Variants in EIF4G3 observed in about 807,000 individuals in gnomAD.
EIF4G3 encodes the protein eukaryotic translation initiation factor 4 gamma 3.
In EIF4G3, 34 loss-of-function variants were observed where a neutral mutation model predicts 186.4. The ratio of observed to expected loss-of-function variants is 0.18; its 90% CI spans 0.14 to 0.24. EIF4G3 has a LOEUF of 0.24. Ranked by LOEUF, EIF4G3 falls within the 10% of genes least tolerant of loss-of-function variation. The pLI is 1.00. For missense variants in EIF4G3, 1,536 were observed against 1,948.5 expected, an observed-to-expected ratio of 0.79 and a Z score of 3.99; for synonymous variants, 673 against 679.5, an observed-to-expected ratio of 0.99 and a Z score of 0.15.
In EIF4G3 at chr1:20,851,483, A is replaced by G; in HGVS notation, c.3552-5T>C. The G allele has an allele frequency of 6.2e-7, 1 of 1,614,084 alleles. No individual in the cohort carries two copies. Among genetic ancestry groups the G allele is most frequent in the African/African-American group, 1.3e-5 (1 of 75,040 alleles). ...TCCCTGCCCATACTTCCACGACTTA[A>G]AAGACAAAACAACACTTTTCAAAGG... On this transcript the variant is annotated splice_polypyrimidine_tract_variant and splice_region_variant and intron_variant, in intron 27 of 36. Transcript: ENST00000602326.
At chr1:20,949,020 ACTATAGAG>A in intron 13 of EIF4G3, among the ~76,000 whole-genome samples, 1 of 151,826 alleles carries the variant, frequency 6.6e-6, no homozygotes, top group East Asian at 1.9e-4. Flanking sequence ...CTATATACTA[ACTATAGAG>A]CTATAGAATA....
At chr1:20,828,280 T>G (rs867130871) in intron 31 of EIF4G3, among the ~76,000 whole-genome samples, 2 of 152,150 alleles carry the variant, frequency 1.3e-5, no homozygotes, top group Non-Finnish European at 2.9e-5. Context: ...TCCGCCTGCC[T>G]CGGCCTCCCA....
intron 12 of EIF4G3, among the ~76,000 whole-genome samples, chr1:20,967,842 C>T (rs1869320): frequency 0.94 from 143,893 of 152,292 alleles, 68,485 homozygotes; most frequent in Middle Eastern, 1. Flanking sequence ...TATCACTTGT[C>T]TGTAAACTGG....
chr1:20,835,320 A>G (rs1258280399), intron 30 of EIF4G3, among the ~76,000 whole-genome samples: 1 of 152,164 alleles, frequency 6.6e-6, no homozygotes, highest in Non-Finnish European at 1.5e-5. Context: ...ACATCAAGGA[A>G]CTAGAAAAAG....
At chr1:20,930,680 C>T (rs2095265498) in intron 14 of EIF4G3, among the ~76,000 whole-genome samples, 1 of 152,170 alleles carries the variant, frequency 6.6e-6, no homozygotes, top group Non-Finnish European at 1.5e-5. Context: ...ATTATAGGCA[C>T]ATGCCACCAT....
chr1:20,910,020 T>G (rs1464286571), intron 14 of EIF4G3, among the ~76,000 whole-genome samples: 3 of 152,106 alleles, frequency 2.0e-5, no homozygotes, highest in Admixed American at 2.0e-4. Flanking sequence ...TGGGCTCAAG[T>G]GATCCTCCTG....
chr1:21,160,546 C>T (rs1301645748), intron 2 of EIF4G3, among the ~76,000 whole-genome samples: 1 of 152,188 alleles, frequency 6.6e-6, no homozygotes, highest in African/African-American at 2.4e-5. Flanking sequence ...AAGATGCCAA[C>T]TTAACCAAGT....
chr1:20,837,426 G>A (rs1223923241), intron 30 of EIF4G3, among the ~76,000 whole-genome samples: 2 of 152,080 alleles, frequency 1.3e-5, no homozygotes, highest in Admixed American at 6.6e-5. Context: ...GGATGGTCTC[G>A]ATCTCCTGAC....
At chr1:20,916,463 ACAAAAACAAAAAACAAAAG>A (rs1268686914) in intron 14 of EIF4G3, among the ~76,000 whole-genome samples, 3 of 151,984 alleles carry the variant, frequency 2.0e-5, no homozygotes, top group Non-Finnish European at 2.9e-5. Flanking sequence ...AAAAACAAAA[ACAAAAACAAAAAACAAAAG>A]CAAAATATAC....
chr1:21,067,134 T>TA (rs1557797435), intron 3 of EIF4G3, among the ~76,000 whole-genome samples: 1 of 148,106 alleles, frequency 6.8e-6, no homozygotes, highest in East Asian at 1.9e-4. Context: ...TTCTTTTCTT[T>TA]TTTTTTTTTT....
In EIF4G3 at chr1:20,980,425, A is replaced by G; in HGVS notation, c.402T>C (p.Tyr134=). The change falls in exon 10 of 37, where the codon TAT becomes TAC. Residue 134 remains tyrosine, a synonymous_variant. Transcript: ENST00000602326. ...CTGGATATTGTTGGGGGGGCCCAAC[A>G]TAAGGAGGGCCACTATGACGGTACT... ...IPQYRHSGPP[Y]VGPPQQYPVQ... 3 of 1,551,022 alleles carry G rather than the reference A, an allele frequency of 1.9e-6. No individual in the cohort carries two copies. Among genetic ancestry groups the G allele is most frequent in the South Asian group, 1.2e-5 (1 of 81,530 alleles).
At chr1:21,141,409 C>A (rs1573205690) in intron 2 of EIF4G3, among the ~76,000 whole-genome samples, 1 of 70,758 alleles carries the variant, frequency 1.4e-5, no homozygotes, top group Non-Finnish European at 2.8e-5. Flanking sequence ...ATGTGTAGTT[C>A]TATGTAAAAA....
chr1:21,068,096 G>A (rs2095313227), intron 3 of EIF4G3, among the ~76,000 whole-genome samples: 3 of 151,990 alleles, frequency 2.0e-5, no homozygotes, highest in Non-Finnish European at 4.4e-5. Context: ...GAAGGGTCCG[G>A]GCACAGTGGC....
At chr1:21,129,713 G>GT (rs2097118139) in intron 2 of EIF4G3, among the ~76,000 whole-genome samples, 1 of 152,030 alleles carries the variant, frequency 6.6e-6, no homozygotes. Context: ...GGATGAAGAA[G>GT]TAACAACCCC....
At chr1:21,005,153 A>G (rs550562777) in intron 4 of EIF4G3, among the ~76,000 whole-genome samples, 1 of 152,326 alleles carries the variant, frequency 6.6e-6, no homozygotes, top group East Asian at 1.9e-4. Flanking sequence ...TTAACTTAAG[A>G]AAACACAGGG....
intron 19 of EIF4G3, among the ~76,000 whole-genome samples, chr1:20,884,934 G>C (rs772104051): frequency 6.6e-6 from 1 of 152,128 alleles, no homozygotes; most frequent in Non-Finnish European, 1.5e-5. Context: ...GGGGTTGAGC[G>C]GGGAAGAGGA....
At chr1:21,027,781 C>T (rs2092324094) in intron 4 of EIF4G3, among the ~76,000 whole-genome samples, 1 of 152,196 alleles carries the variant, frequency 6.6e-6, no homozygotes, top group African/African-American at 2.4e-5. Context: ...AATTCCACTT[C>T]CAAGTATCCA....
intron 2 of EIF4G3, among the ~76,000 whole-genome samples, chr1:21,113,146 CAAAAAAAAAAAAAAA>C (rs5772939): frequency 3.9e-5 from 2 of 51,464 alleles, no homozygotes; most frequent in Admixed American, 6.5e-4. Flanking sequence ...GGCCCTATCT[CAAAAAAAAAAAAAAA>C]AAAAAAAAAA....
At chr1:21,063,693 T>A (rs1268630052) in intron 3 of EIF4G3, among the ~76,000 whole-genome samples, 1 of 92,944 alleles carries the variant, frequency 1.1e-5, no homozygotes, top group Admixed American at 1.4e-4. Flanking sequence ...TTTCCTGTCA[T>A]ACTTTTCATT....
Sources: gnomAD v4.1 joint callset for allele counts (sites outside exome capture counted in the v4.1 genomes callset) on GRCh38, gnomAD v4.1.1 for gene constraint, MANE v1.5 for transcripts, NCBI Gene and HGNC (gene_info 2026-07-23, HGNC 2026-07-21) for gene names.